NT5DC1: variants seen among roughly 807,000 people sequenced by gnomAD.
The protein encoded by NT5DC1 is 5'-nucleotidase domain containing 1, also known as 5'-nucleotidase domain-containing protein 1.
Under a neutral mutation model 59.4 loss-of-function variants are expected in NT5DC1, and 42 were observed. The observed-to-expected ratio is 0.71, with a 90% CI of 0.55 to 0.92. NT5DC1 has a LOEUF of 0.92. NT5DC1 is among the 40% of genes least tolerant of loss of function. NT5DC1 has a pLI of 0.00. For missense variants in NT5DC1, 501 were observed against 537.1 expected, an observed-to-expected ratio of 0.93 and a Z score of 0.66; for synonymous variants, 172 against 188.1, an observed-to-expected ratio of 0.91 and a Z score of 0.70.
chr6:116,170,729 A>G lies in NT5DC1; in HGVS notation c.530-50325A>G, dbSNP rs1780585122. 2.0e-5 allele frequency among the ~76,000 whole-genome samples: 3 copies of G among 152,300 alleles called. No individual in the cohort carries two copies. The South Asian group carries it at 6.2e-4, about 32-fold the overall frequency. ...CTACCCCAAAATTCAGCCTTAGCAA[A>G]CTGCTTGCTTGCTGGTACTAGGAAA... is the stretch of plus-strand genomic sequence containing the variant. On this transcript the variant is annotated intron_variant, in intron 6 of 11. Coordinates refer to ENST00000319550, the MANE Select transcript of NT5DC1 (RefSeq NM_152729.3).
chr6:116,149,454 A>G (rs1779980182), intron 6 of NT5DC1, among the ~76,000 whole-genome samples: 1 of 152,190 alleles, frequency 6.6e-6, no homozygotes, highest in Non-Finnish European at 1.5e-5. Context: ...TGCCAGTACT[A>G]AGAGAACACT....
At chr6:116,129,191 G>A (rs1779401885) in intron 6 of NT5DC1, among the ~76,000 whole-genome samples, 1 of 151,998 alleles carries the variant, frequency 6.6e-6, no homozygotes. Context: ...ATCAAATCCT[G>A]TAGTTCACAT....
chr6:116,111,768 G>A (rs1417014269), intron 4 of NT5DC1, among the ~76,000 whole-genome samples: 1 of 152,164 alleles, frequency 6.6e-6, no homozygotes, highest in African/African-American at 2.4e-5. Flanking sequence ...TTTATAGCGA[G>A]CTGAAAATGT....
At chr6:116,229,964 T>C (rs1038476604) in intron 8 of NT5DC1, among the ~76,000 whole-genome samples, 3 of 152,204 alleles carry the variant, frequency 2.0e-5, no homozygotes, top group Non-Finnish European at 2.9e-5. Context: ...TCCTTCCGCC[T>C]AGAAACCAAA....
rs1267503166 is a variant in NT5DC1, at chr6:116,120,609, C to T, written c.529+2664C>T. The T allele has an allele frequency of 3.2e-6, 5 of 1,570,646 alleles. No homozygotes were observed. Among genetic ancestry groups the T allele is most frequent in the Non-Finnish European group, 4.3e-6 (5 of 1,164,082 alleles). ...CCAGGGGGCCCTGGAAGACCAGGCT[C>T]TCCAGAGTGGCCTCTTGGACCTGGA... On this transcript the variant is annotated intron_variant, in intron 6 of 11. Transcript: ENST00000319550.
At chr6:116,157,283 T>C (rs1048053742) in intron 6 of NT5DC1, among the ~76,000 whole-genome samples, 1 of 152,174 alleles carries the variant, frequency 6.6e-6, no homozygotes, top group African/African-American at 2.4e-5. Context: ...TCTGTAAAAA[T>C]GTCAGATTGT....
chr6:116,199,988 A>G (rs968666752), intron 6 of NT5DC1, among the ~76,000 whole-genome samples: 3 of 100,910 alleles, frequency 3.0e-5, no homozygotes, highest in Non-Finnish European at 5.9e-5. Flanking sequence ...CAAAGAGTAC[A>G]GTATGGAAAG....
At chr6:116,107,739 A>AT (rs1416547374) in intron 2 of NT5DC1, among the ~76,000 whole-genome samples, 2 of 151,520 alleles carry the variant, frequency 1.3e-5, no homozygotes, top group African/African-American at 4.9e-5. Context: ...CGCCCGGCTA[A>AT]TTTTTTGTAT....
rs534958165 is a variant in NT5DC1 at position 116,187,604 on chromosome 6, A to C, written c.530-33450A>C. ...TGCTTGATGACAGAACAGGTACAGC[A>C]GAGCAGTGGGGAAAGGACTGTCATA... is the stretch of plus-strand genomic sequence containing the variant. On this transcript the variant is annotated intron_variant, in intron 6 of 11. Transcript: ENST00000319550. 2.0e-5 allele frequency among the ~76,000 whole-genome samples: 3 copies of C among 152,256 alleles called. No individual in the cohort carries two copies. The East Asian group carries it at 5.8e-4, about 29-fold the overall frequency.
At chr6:116,166,455 G>T (rs1780469567) in intron 6 of NT5DC1, among the ~76,000 whole-genome samples, 2 of 152,188 alleles carry the variant, frequency 1.3e-5, no homozygotes, top group Non-Finnish European at 2.9e-5. Flanking sequence ...CACAATGGAA[G>T]AAGGATTTTG....
intron 6 of NT5DC1, among the ~76,000 whole-genome samples, chr6:116,203,440 T>C (rs188905838): frequency 6.6e-6 from 1 of 152,076 alleles, no homozygotes; most frequent in Admixed American, 6.6e-5. Flanking sequence ...TTTTGTCTCA[T>C]TTTTTATTTT....
At chr6:116,109,720 C>T (rs578082833) in intron 3 of NT5DC1, among the ~76,000 whole-genome samples, 2 of 152,282 alleles carry the variant, frequency 1.3e-5, no homozygotes, top group South Asian at 4.1e-4. Context: ...AATGTTAACC[C>T]CTTTATAAAA....
intron 6 of NT5DC1, among the ~76,000 whole-genome samples, chr6:116,217,878 TG>T (rs1781717141): frequency 6.6e-6 from 1 of 152,194 alleles, no homozygotes; most frequent in Admixed American, 6.5e-5. Flanking sequence ...TTTAATACCT[TG>T]ACTTATTTCA....
intron 11 of NT5DC1, among the ~76,000 whole-genome samples, chr6:116,241,944 C>A (rs6568923): frequency 0.093 from 3,116 of 33,638 alleles, 270 homozygotes; most frequent in African/African-American, 0.19. Context: ...AAAAACAAAA[C>A]AAAAAAAAAA....
At chr6:116,112,486 G>A (rs1253061287) in intron 4 of NT5DC1, among the ~76,000 whole-genome samples, 1 of 152,108 alleles carries the variant, frequency 6.6e-6, no homozygotes. Flanking sequence ...TTCAACTCCT[G>A]TCCTATTTTT....
intron 6 of NT5DC1, among the ~76,000 whole-genome samples, chr6:116,135,834 GATATATATATATATATATAT>G (rs199827970): frequency 1.4e-3 from 139 of 102,360 alleles, no homozygotes; most frequent in Non-Finnish European, 2.4e-3. Flanking sequence ...TATATTTTCA[GATATATATATATATATATAT>G]ATATATATAT....
chr6:116,178,587 A>G (rs1780803423), intron 6 of NT5DC1, among the ~76,000 whole-genome samples: 1 of 152,236 alleles, frequency 6.6e-6, no homozygotes, highest in South Asian at 2.1e-4. Flanking sequence ...CAAATTACCA[A>G]GTGTTCCCAC....
Position 116,158,100 on chromosome 6 carries a change from CT to C in NT5DC1, c.529+40158del, listed in dbSNP as rs146267631. Among the ~76,000 whole-genome samples, 441 of 152,258 alleles carry C rather than the reference CT, an allele frequency of 2.9e-3. 3 individuals carry two copies. Among genetic ancestry groups the C allele is most frequent in the African/African-American group, 0.01 (429 of 41,560 alleles). ...AGTCAATTTCTCTGAACTACAAGAA[CT>C]TTCTAGTTTCAATAGCTATTAATAT... is the stretch of plus-strand genomic sequence containing the variant. On this transcript the variant is annotated intron_variant, in intron 6 of 11. Transcript: ENST00000319550.
At position 116,248,642 on chromosome 6, in the gene NT5DC1, G is replaced by C. The variant is rs1771890432; in HGVS notation, c.*4618G>C. The C allele has an allele frequency of 6.6e-6, 1 of 152,228 alleles. No homozygotes were observed. The highest frequency in any genetic ancestry group is 2.4e-5 in the African/African-American group (1 of 41,442). 9.4% of individuals were successfully genotyped at this position (152,228 alleles called of 1,614,324 possible). On this transcript the variant is annotated 3_prime_UTR_variant, in exon 12 of 12. Transcript: ENST00000319550. Reference sequence around the variant, plus strand: ...CAAGGAAAGTGTTGTGTGAGGACCAGGGTAATTATGCAGTGTCACCACTAC... The same window carrying C: ...CAAGGAAAGTGTTGTGTGAGGACCACGGTAATTATGCAGTGTCACCACTAC...
Sources: allele counts gnomAD v4.1 joint callset (sites outside exome capture counted in the v4.1 genomes callset), GRCh38; gene constraint gnomAD v4.1.1; transcripts MANE v1.5; gene names NCBI Gene and HGNC (gene_info 2026-07-23, HGNC 2026-07-21).